Variants in FGF17 observed in about 807,000 individuals in gnomAD.
The protein encoded by FGF17 is fibroblast growth factor 17.
A neutral mutation model predicts 23.5 loss-of-function variants in FGF17; 5 were observed. The ratio of observed to expected loss-of-function variants is 0.21; its 90% confidence interval spans 0.11 to 0.45. The LOEUF (loss-of-function observed/expected upper bound fraction) is 0.45. Among genes scored for constraint, FGF17 ranks in the 20% least tolerant of loss-of-function variants. The probability of loss-of-function intolerance (pLI) is 0.99; values close to 1 mark genes in which losing one functional copy is unlikely to be tolerated. For synonymous variants in FGF17, 136 were observed against 123.0 expected, an observed-to-expected ratio of 1.11 and a Z score of -0.70; for missense variants, 221 against 306.9, an observed-to-expected ratio of 0.72 and a Z score of 2.09.
rs1585533199 is a variant in FGF17 at position 22,043,274 on chromosome 8, G to A, written c.72+93G>A. 1.1e-5 allele frequency: 14 copies of A among 1,251,774 alleles called. No individual in the cohort carries two copies. The East Asian group carries it at 2.9e-4, about 26-fold the overall frequency. 77.5% of individuals were successfully genotyped at this position (1,251,774 alleles called of 1,614,324 possible). A position where few individuals can be genotyped will look rare whatever the true frequency, so the allele number is the denominator to read the frequency against. On this transcript the variant is annotated intron_variant, in intron 2 of 4. Transcript: ENST00000359441. ...GACCGGCTCCTTTCAGGTGGACAGA[G>A]GCAGAGTCTGGCCTCTCCCTGGGTC...
upstream of FGF17, among the ~76,000 whole-genome samples, chr8:22,039,854 C>G (rs1451178839): frequency 6.6e-6 from 1 of 152,028 alleles, no homozygotes; most frequent in Non-Finnish European, 1.5e-5. Context: ...GGGCTGGGCT[C>G]AAGCAGGTGG....
At chr8:22,042,801 C>A, upstream of FGF17, 1 of 874,024 alleles carries the variant, frequency 1.1e-6, no homozygotes, top group Non-Finnish European at 1.8e-6. Context: ...TTCTCTCCTC[C>A]TCGCCCCCCT....
intron 2 of FGF17, among the ~76,000 whole-genome samples, chr8:22,043,602 G>A (rs924951249): frequency 1.3e-5 from 2 of 152,158 alleles, no homozygotes; most frequent in Non-Finnish European, 2.9e-5. Flanking sequence ...CAATATGGAT[G>A]CCTGGGGTGG....
At chr8:22,041,281 G>T (rs546110927), upstream of FGF17, among the ~76,000 whole-genome samples, 29 of 152,348 alleles carry the variant, frequency 1.9e-4, no homozygotes, top group African/African-American at 7.0e-4. Context: ...TGCCTGCACT[G>T]GTCAGTGCAT....
intron 3 of FGF17, 66 bp downstream of exon 3, chr8:22,046,357 C>T: frequency 6.4e-7 from 1 of 1,557,552 alleles, no homozygotes; most frequent in Non-Finnish European, 8.8e-7. Flanking sequence ...CCCTGCCTCA[C>T]CTCCTGGTCC....
rs1264071636 is a variant in FGF17 at position 22,043,152 on chromosome 8, C to T, written c.43C>T (p.Gln15Ter). The change falls in exon 2 of 5, where the codon CAG (glutamine) becomes TAG (stop). Residue 15 changes from glutamine to a stop codon, truncating the protein, a stop_gained. Coordinates refer to ENST00000359441, the MANE Select transcript of FGF17 (RefSeq NM_003867.4). LOFTEE classifies it high-confidence loss of function. ...CCTCCTCTCCCCACACAGGTGCTTACAGCTGCTGATTCTCTGCTGTCAAAC... is the reference window on the plus strand; with the variant it reads ...CCTCCTCTCCCCACACAGGTGCTTATAGCTGCTGATTCTCTGCTGTCAAAC... ...RLLPNLTLCL[Q>*]LLILCCQTQG... 3 of 1,613,948 alleles carry T rather than the reference C, an allele frequency of 1.9e-6. No individual in the cohort carries two copies. The highest frequency in any genetic ancestry group is 1.7e-6 in the Non-Finnish European group (2 of 1,180,018).
chr8:22,041,196 C>T (rs1800731603), upstream of FGF17, among the ~76,000 whole-genome samples: 1 of 152,168 alleles, frequency 6.6e-6, no homozygotes, highest in Admixed American at 6.5e-5. Context: ...CCCATCCTCC[C>T]CACACAAGCT....
rs992054878 is a variant in FGF17 at position 22,048,502 on chromosome 8, G to A, written c.*253G>A. The A allele has an allele frequency of 2.8e-5, 14 of 502,608 alleles. No individual in the cohort carries two copies. Among genetic ancestry groups the A allele is most frequent in the Non-Finnish European group, 4.6e-5 (13 of 284,106 alleles). The allele number at this position is 502,608 out of a possible 1,614,324, so 31.1% of individuals were successfully genotyped here. Reference sequence around the variant, plus strand: ...GTGTCACCCTGATCTCAGGCCACCAGCCTCTGCCGGCCTCCCAGCCGGGCT... The same window carrying A: ...GTGTCACCCTGATCTCAGGCCACCAACCTCTGCCGGCCTCCCAGCCGGGCT... On this transcript the variant is annotated 3_prime_UTR_variant, in exon 5 of 5. Coordinates refer to ENST00000359441, the MANE Select transcript of FGF17 (RefSeq NM_003867.4). The surrounding 1 kb of genome is among the most constrained non-coding windows in gnomAD (Gnocchi z 6.9).
upstream of FGF17, chr8:22,042,605 C>T (rs568268653): frequency 1.4e-3 from 802 of 553,506 alleles, 2 homozygotes; most frequent in Admixed American, 2.6e-3. Context: ...AGGCCCCCAC[C>T]GCTCCATCCC....
intron 2 of FGF17, chr8:22,045,421 CCCAGCT>C (rs202067475): frequency 4.0e-6 from 4 of 990,818 alleles, no homozygotes; most frequent in Non-Finnish European, 4.8e-6. Context: ...CAGCCCCAGC[CCCAGCT>C]CCAGCCCATA....
intron 2 of FGF17, 111 bp downstream of exon 2, chr8:22,043,292 C>T: frequency 9.0e-7 from 1 of 1,115,354 alleles, no homozygotes; most frequent in Non-Finnish European, 1.3e-6. Flanking sequence ...CTGGCCTCTC[C>T]CTGGGTCCAG....
chr8:22,045,626 T>C, intron 2 of FGF17: 1 of 1,052,222 alleles, frequency 9.5e-7, no homozygotes, highest in Non-Finnish European at 1.1e-6. Context: ...TGTGCCCGTG[T>C]GCTGGGCAAG....
At chr8:22,046,396 G>T in intron 3 of FGF17, 105 bp downstream of exon 3, 1 of 1,468,574 alleles carries the variant, frequency 6.8e-7, no homozygotes, top group Non-Finnish European at 9.3e-7. Flanking sequence ...AGGGCTGAGG[G>T]CCCCAAGGGC....
chr8:22,044,825 T>C, intron 2 of FGF17: 1 of 985,506 alleles, frequency 1.0e-6, no homozygotes, highest in South Asian at 4.7e-5. Flanking sequence ...TCCCCCTGCC[T>C]CAAAGGTGAT....
intron 3 of FGF17, 117 bp from the exon 4 acceptor site, chr8:22,046,410 A>T: frequency 7.0e-7 from 1 of 1,436,154 alleles, no homozygotes; most frequent in Admixed American, 1.9e-5. Context: ...CAAGGGCCTG[A>T]GTGTCCCCAA....
Position 22,048,449 on chromosome 8 carries a change from C to G in FGF17, c.*200C>G, listed in dbSNP as rs1427636401. 1 of 598,290 alleles carries G rather than the reference C, an allele frequency of 1.7e-6. No individual in the cohort carries two copies. The highest frequency in any genetic ancestry group is 2.8e-5 in the East Asian group (1 of 35,736). 37.1% of individuals were successfully genotyped at this position (598,290 alleles called of 1,614,324 possible). Reference sequence around the variant, plus strand: ...GCTGGCACAGTGCCCCCTTCCCGGACGGGTGGCAGGCCCTGGAGAGGAACT... The same window carrying G: ...GCTGGCACAGTGCCCCCTTCCCGGAGGGGTGGCAGGCCCTGGAGAGGAACT... On this transcript the variant is annotated 3_prime_UTR_variant, in exon 5 of 5. Transcript: ENST00000359441. This position sits in a 1 kb window ranked among gnomAD's most constrained non-coding sequence, Gnocchi z 6.9.
In FGF17 at chr8:22,048,335, G is replaced by C. The variant is rs1237656550; in HGVS notation, c.*86G>C. The C allele has an allele frequency of 2.5e-6, 3 of 1,212,518 alleles. No homozygotes were observed. The highest frequency in any genetic ancestry group is 3.0e-5 in the African/African-American group (2 of 65,676). The allele number at this position is 1,212,518 out of a possible 1,614,324, so 75.1% of individuals were successfully genotyped here. ...CAAGGACTGGGCTGGGGTGGCGGGA[G>C]GGGAGCCAGATCCCCGAGGGAGGAC... On this transcript the variant is annotated 3_prime_UTR_variant, in exon 5 of 5. Transcript: ENST00000359441. This position sits in a 1 kb window ranked among gnomAD's most constrained non-coding sequence, Gnocchi z 6.9.
upstream of FGF17, among the ~76,000 whole-genome samples, chr8:22,042,057 AC>A (rs539599886): frequency 1.6e-3 from 245 of 151,446 alleles, 1 homozygote; most frequent in Non-Finnish European, 2.9e-3. Flanking sequence ...TTCACACTTG[AC>A]CCCCCAACAC....
chr8:22,046,347 C>A (rs952507755), intron 3 of FGF17, 56 bp downstream of exon 3: 2 of 1,571,520 alleles, frequency 1.3e-6, no homozygotes, highest in Admixed American at 3.4e-5. Flanking sequence ...CTCACTTCCA[C>A]CCTGCCTCAC....
Sources: allele counts gnomAD v4.1 joint callset (sites outside exome capture counted in the v4.1 genomes callset), GRCh38; gene constraint gnomAD v4.1.1; non-coding constraint Gnocchi (gnomAD v3.1); transcripts MANE v1.5; gene names NCBI Gene and HGNC (gene_info 2026-07-23, HGNC 2026-07-21).